Variants in CREB3L2 observed in about 807,000 individuals in gnomAD.
CREB3L2 encodes the protein cAMP responsive element binding protein 3 like 2.
Under a neutral mutation model 57.2 loss-of-function variants are expected in CREB3L2, and 23 were observed. That is an observed-to-expected ratio of 0.40 (90% CI 0.29 to 0.57). The LOEUF (loss-of-function observed/expected upper bound fraction) is 0.57. Ranked by LOEUF, CREB3L2 falls within the 20% of genes least tolerant of loss-of-function variation. CREB3L2 has a pLI of 0.42. For missense variants in CREB3L2, 628 were observed against 634.7 expected (o/e 0.99, Z 0.11); for synonymous variants, 268 against 265.1 (o/e 1.01, Z -0.11).
chr7:137,880,211 C>G lies in CREB3L2; in HGVS notation c.*265G>C, dbSNP rs1457543569. The G allele has an allele frequency of 4.0e-6, 2 of 501,460 alleles. No individual in the cohort carries two copies. Among genetic ancestry groups the G allele is most frequent in the Non-Finnish European group, 7.3e-6 (2 of 274,812 alleles). 31.1% of individuals were successfully genotyped at this position (501,460 alleles called of 1,614,324 possible). ...GGTGGAAACAAGCCTGCTTGTCCCACCTCCAACCCCTAAAATAATTTCCTA... is the reference window on the plus strand; with the variant it reads ...GGTGGAAACAAGCCTGCTTGTCCCAGCTCCAACCCCTAAAATAATTTCCTA... On this transcript the variant is annotated 3_prime_UTR_variant, in exon 12 of 12. Transcript: ENST00000330387. This position sits in a 1 kb window ranked among gnomAD's most constrained non-coding sequence, Gnocchi z 4.0.
At chr7:137,946,948 TTATATATATATAGTTATATATATAGTTA>T (rs1801005201) in intron 1 of CREB3L2, among the ~76,000 whole-genome samples, 1 of 93,634 alleles carries the variant, frequency 1.1e-5, no homozygotes, top group Admixed American at 1.1e-4. Context: ...ATATATATAG[TTATATATATATAGTTATATATATAGTTA>T]TATATATATA....
intron 8 of CREB3L2, among the ~76,000 whole-genome samples, chr7:137,896,376 AC>A (rs200869634): frequency 0.018 from 2,664 of 152,188 alleles, 70 homozygotes; most frequent in African/African-American, 0.058. Flanking sequence ...ATCTCGGCTC[AC>A]CGTAACCTCC....
chr7:137,950,937 A>G (rs954704123), intron 1 of CREB3L2, among the ~76,000 whole-genome samples: 4 of 152,196 alleles, frequency 2.6e-5, no homozygotes, highest in Non-Finnish European at 4.4e-5. Flanking sequence ...CACAGATTCC[A>G]TATTTCTGAA....
intron 8 of CREB3L2, among the ~76,000 whole-genome samples, chr7:137,900,368 G>A (rs887186707): frequency 1.3e-5 from 2 of 152,224 alleles, no homozygotes; most frequent in African/African-American, 2.4e-5. Flanking sequence ...GTTCATAGCT[G>A]TAAAGTGCTT....
intron 1 of CREB3L2, among the ~76,000 whole-genome samples, chr7:137,981,956 C>T (rs1242639136): frequency 6.6e-6 from 1 of 152,230 alleles, no homozygotes; most frequent in South Asian, 2.1e-4. Context: ...CACCTGCCAG[C>T]AGTCAGGGTC....
At chr7:137,924,055 C>T (rs1408207637) in intron 2 of CREB3L2, among the ~76,000 whole-genome samples, 1 of 152,190 alleles carries the variant, frequency 6.6e-6, no homozygotes, top group Non-Finnish European at 1.5e-5. Flanking sequence ...CACCTGAGAA[C>T]ACAGCTCCAT....
chr7:137,882,340 CAT>C, intron 11 of CREB3L2, 70 bp downstream of exon 11: 1 of 1,145,238 alleles, frequency 8.7e-7, no homozygotes. Flanking sequence ...CTCAACCTCA[CAT>C]CTCAGGTTGC....
chr7:137,973,430 T>C (rs922777172), intron 1 of CREB3L2, among the ~76,000 whole-genome samples: 2 of 152,168 alleles, frequency 1.3e-5, no homozygotes, highest in Non-Finnish European at 2.9e-5. Context: ...CTATTCTCTT[T>C]GAACACAATG....
At chr7:137,887,958 C>A (rs1186821310) in intron 8 of CREB3L2, among the ~76,000 whole-genome samples, 1 of 151,742 alleles carries the variant, frequency 6.6e-6, no homozygotes, top group Non-Finnish European at 1.5e-5. Context: ...TTTTATTTTT[C>A]TTTTTTTTCC....
intron 7 of CREB3L2, among the ~76,000 whole-genome samples, chr7:137,901,874 C>CAAAAAAAAAAAA (rs59855306): frequency 5.0e-4 from 29 of 57,780 alleles, no homozygotes; most frequent in African/African-American, 1.6e-3. Flanking sequence ...AGATCTGTCT[C>CAAAAAAAAAAAA]AAAAAAAAAA....
intron 6 of CREB3L2, among the ~76,000 whole-genome samples, chr7:137,904,849 A>AG (rs1554495637): frequency 1.8e-4 from 26 of 147,706 alleles, no homozygotes; most frequent in East Asian, 5.8e-4. Context: ...AAAAAAAAAA[A>AG]AAAGAAAGAA....
chr7:137,923,758 T>C (rs2117233046), intron 2 of CREB3L2, among the ~76,000 whole-genome samples: 1 of 152,336 alleles, frequency 6.6e-6, no homozygotes, highest in South Asian at 2.1e-4. Context: ...CATCAAATCA[T>C]TTCAAAACCC....
At chr7:137,909,230 G>A (rs1322992780) in intron 4 of CREB3L2, among the ~76,000 whole-genome samples, 2 of 152,196 alleles carry the variant, frequency 1.3e-5, no homozygotes, top group African/African-American at 4.8e-5. Context: ...ATACGGGAGT[G>A]AGCACAGGAA....
At chr7:137,981,546 G>T (rs888389851) in intron 1 of CREB3L2, among the ~76,000 whole-genome samples, 1 of 152,196 alleles carries the variant, frequency 6.6e-6, no homozygotes, top group Non-Finnish European at 1.5e-5. Flanking sequence ...AGACCCCACA[G>T]AAATTAACTA....
Position 137,879,001 on chromosome 7 carries a change from T to G in CREB3L2, c.*1475A>C. 2 of 410,838 alleles carry G rather than the reference T, an allele frequency of 4.9e-6. No homozygotes were observed. The highest frequency in any genetic ancestry group is 4.4e-5 in the East Asian group (1 of 22,626). 25.4% of individuals were successfully genotyped at this position (410,838 alleles called of 1,614,324 possible). A position where few individuals can be genotyped will look rare whatever the true frequency, so the allele number is the denominator to read the frequency against. ...AAACCAAAGGCATTTCAGCTGCTAA[T>G]AAAAATAAAATACAAACTCTATGCA... On this transcript the variant is annotated 3_prime_UTR_variant, in exon 12 of 12. Transcript: ENST00000330387.
At chr7:137,996,979 A>G (rs1170464256) in intron 1 of CREB3L2, among the ~76,000 whole-genome samples, 2 of 152,230 alleles carry the variant, frequency 1.3e-5, no homozygotes, top group African/African-American at 4.8e-5. Context: ...AAACTGAGAT[A>G]GAAGAAAGGA....
intron 8 of CREB3L2, among the ~76,000 whole-genome samples, chr7:137,899,642 CCTCATGAGATCAAGGTAATGCCACA>C (rs1563244282): frequency 6.6e-6 from 1 of 152,184 alleles, no homozygotes; most frequent in African/African-American, 2.4e-5. Context: ...AGCTCCCTTG[CCTCATGAGATCAAGGTAATGCCACA>C]CTAAGTTGGT....
intron 1 of CREB3L2, among the ~76,000 whole-genome samples, chr7:137,956,849 T>C (rs892576245): frequency 1.3e-5 from 2 of 152,174 alleles, no homozygotes; most frequent in Non-Finnish European, 2.9e-5. Flanking sequence ...TGTTCACCTT[T>C]TTCTAGAAAA....
At chr7:137,907,215 A>G in intron 5 of CREB3L2, among the ~76,000 whole-genome samples, 1 of 152,206 alleles carries the variant, frequency 6.6e-6, no homozygotes, top group Non-Finnish European at 1.5e-5. Flanking sequence ...GGAGGGTTGG[A>G]TACCTGATAA....
Sources: gnomAD v4.1 joint callset for allele counts (sites outside exome capture counted in the v4.1 genomes callset) on GRCh38, gnomAD v4.1.1 for gene constraint, Gnocchi (gnomAD v3.1) non-coding constraint, MANE v1.5 for transcripts, NCBI Gene and HGNC (gene_info 2026-07-23, HGNC 2026-07-21) for gene names.